Variants in PTPRE observed in about 807,000 individuals in gnomAD.
The protein encoded by PTPRE is protein tyrosine phosphatase receptor type E.
PTPRE carries 51 observed loss-of-function variants against 102.0 expected under a neutral mutation model. The observed-to-expected ratio is 0.50, with a 90% CI of 0.40 to 0.63. The LOEUF (loss-of-function observed/expected upper bound fraction) is 0.63, where lower values mean the gene tolerates loss of function less well. PTPRE is among the 30% of genes least tolerant of loss of function. The pLI is 0.00. For missense variants in PTPRE, 752 were observed against 915.1 expected (o/e 0.82, Z 2.30); for synonymous variants, 345 against 348.2 (o/e 0.99, Z 0.10).
At chr10:127,941,532 G>A (rs770202823) in intron 1 of PTPRE, among the ~76,000 whole-genome samples, 30 of 152,250 alleles carry the variant, frequency 2.0e-4, no homozygotes, top group Non-Finnish European at 4.0e-4. Flanking sequence ...TTTTTCAAGA[G>A]AAGCTGAGCA....
At chr10:127,923,878 G>C (rs1846808613) in intron 1 of PTPRE, among the ~76,000 whole-genome samples, 1 of 152,176 alleles carries the variant, frequency 6.6e-6, no homozygotes. Flanking sequence ...TGAGGGATCA[G>C]AACAGATCCA....
chr10:127,958,208 T>A (rs1849540135), intron 1 of PTPRE, among the ~76,000 whole-genome samples: 1 of 152,238 alleles, frequency 6.6e-6, no homozygotes, highest in Non-Finnish European at 1.5e-5. Flanking sequence ...GTCTCTGCAA[T>A]AACCATAACC....
intron 1 of PTPRE, among the ~76,000 whole-genome samples, chr10:127,975,191 C>T (rs550395764): frequency 2.0e-5 from 3 of 152,188 alleles, no homozygotes; most frequent in Admixed American, 6.5e-5. Context: ...GTTGGAGCCC[C>T]GTGAGACACG....
intron 2 of PTPRE, among the ~76,000 whole-genome samples, chr10:128,030,935 T>C (rs1332835686): frequency 6.6e-6 from 1 of 152,212 alleles, no homozygotes; most frequent in East Asian, 1.9e-4. Flanking sequence ...CATCGTGTGC[T>C]TCCCCCGCCT....
chr10:127,937,013 C>T (rs547603557), intron 1 of PTPRE, among the ~76,000 whole-genome samples: 18 of 152,308 alleles, frequency 1.2e-4, no homozygotes, highest in African/African-American at 4.3e-4. Context: ...GACTCTACAA[C>T]ACCCCCAATC....
intron 1 of PTPRE, among the ~76,000 whole-genome samples, chr10:127,961,915 G>A (rs993277042): frequency 6.6e-6 from 1 of 152,170 alleles, no homozygotes. Context: ...ATAGATGAGT[G>A]AGTGAAAGAA....
intron 1 of PTPRE, among the ~76,000 whole-genome samples, chr10:127,923,996 T>G (rs1219368333): frequency 6.6e-6 from 1 of 152,156 alleles, no homozygotes; most frequent in African/African-American, 2.4e-5. Context: ...CAGGGTACAT[T>G]TGGTGGAGGT....
intron 2 of PTPRE, chr10:127,999,142 C>T (rs1020843990): frequency 6.6e-6 from 1 of 152,192 alleles, no homozygotes; most frequent in Non-Finnish European, 1.5e-5. Context: ...TCCGAGAGCT[C>T]TGCTGTGCCA....
intron 3 of PTPRE, among the ~76,000 whole-genome samples, chr10:128,045,923 C>G (rs1465569711): frequency 1.3e-5 from 2 of 152,204 alleles, no homozygotes; most frequent in Admixed American, 1.3e-4. Context: ...ACTGACACTG[C>G]TAGCCAGATG....
chr10:128,045,688 T>A (rs1181505142), intron 3 of PTPRE, among the ~76,000 whole-genome samples: 1 of 151,884 alleles, frequency 6.6e-6, no homozygotes, highest in African/African-American at 2.4e-5. Flanking sequence ...TGGAGAGGGG[T>A]GCTCTCTGGA....
At chr10:128,024,945 C>T (rs1180566554) in intron 2 of PTPRE, among the ~76,000 whole-genome samples, 1 of 151,840 alleles carries the variant, frequency 6.6e-6, no homozygotes, top group Non-Finnish European at 1.5e-5. Context: ...CACCCGAGGC[C>T]AGGAGTTTGG....
At chr10:128,080,890 C>CA (rs1851652819) in intron 20 of PTPRE, among the ~76,000 whole-genome samples, 1 of 152,216 alleles carries the variant, frequency 6.6e-6, no homozygotes, top group South Asian at 2.1e-4. Context: ...AAATAACCAT[C>CA]AGGCGTTGGG....
chr10:127,946,387 A>ATTGCACCTGTGCACACT (rs1554896645), intron 1 of PTPRE, among the ~76,000 whole-genome samples: 4 of 148,200 alleles, frequency 2.7e-5, no homozygotes, highest in South Asian at 2.2e-4. Flanking sequence ...AAGTAAGGAT[A>ATTGCACCTGTGCACACT]TATATACAAG....
At chr10:128,060,455 A>G (rs1167596988) in intron 7 of PTPRE, among the ~76,000 whole-genome samples, 2 of 152,152 alleles carry the variant, frequency 1.3e-5, no homozygotes, top group African/African-American at 4.8e-5. Context: ...AGACCCCCAC[A>G]TCCACTTGTC....
At chr10:127,959,614 T>C (rs1013994114) in intron 1 of PTPRE, among the ~76,000 whole-genome samples, 2 of 152,202 alleles carry the variant, frequency 1.3e-5, no homozygotes, top group African/African-American at 4.8e-5. Context: ...AGAAGTCCAT[T>C]GTGGGGAAGA....
chr10:128,072,426 G>T (rs1850852729), intron 16 of PTPRE: 1 of 466,832 alleles, frequency 2.1e-6, no homozygotes, highest in South Asian at 3.3e-5. Flanking sequence ...GCTAAGGCGG[G>T]CAGATCACTT....
Position 128,079,543 on chromosome 10 carries a change from G to A in PTPRE, c.1893-17G>A, listed in dbSNP as rs1851523063. The A allele has an allele frequency of 6.2e-7, 1 of 1,612,532 alleles. No individual in the cohort carries two copies. Among genetic ancestry groups the A allele is most frequent in the Admixed American group, 1.7e-5 (1 of 59,800 alleles). Reference sequence around the variant, plus strand: ...GTGCAAGTCGGATGATCTGCATTAAGCGCTTTTTCTCTGCAGTGCCGGAGC... The same window carrying A: ...GTGCAAGTCGGATGATCTGCATTAAACGCTTTTTCTCTGCAGTGCCGGAGC... On this transcript the variant is annotated splice_polypyrimidine_tract_variant and intron_variant, in intron 19 of 20. Coordinates refer to ENST00000254667, the MANE Select transcript of PTPRE (RefSeq NM_006504.6).
At chr10:127,964,603 C>G (rs1334672776) in intron 1 of PTPRE, among the ~76,000 whole-genome samples, 1 of 150,660 alleles carries the variant, frequency 6.6e-6, no homozygotes, top group East Asian at 1.9e-4. Context: ...GGACAATTCT[C>G]AATTGTAAGG....
chr10:128,013,001 G>A (rs911346489), intron 2 of PTPRE, among the ~76,000 whole-genome samples: 14 of 152,136 alleles, frequency 9.2e-5, no homozygotes, highest in Non-Finnish European at 1.9e-4. Context: ...CATGAGCGCC[G>A]TAGTGCTTCC....
Sources: allele counts gnomAD v4.1 joint callset (sites outside exome capture counted in the v4.1 genomes callset), GRCh38; gene constraint gnomAD v4.1.1; transcripts MANE v1.5; gene names NCBI Gene and HGNC (gene_info 2026-07-23, HGNC 2026-07-21).